The following GALNTL6 variants were observed in gnomAD, a reference collection of about 807,000 sequenced individuals.
GALNTL6 encodes polypeptide N-acetylgalactosaminyltransferase-like 6.
GALNTL6 carries 46 observed loss-of-function variants against 73.7 expected under a neutral mutation model. That is an observed-to-expected ratio of 0.62 (90% CI 0.49 to 0.80). GALNTL6 has a LOEUF of 0.80. GALNTL6 is among the 30% of genes least tolerant of loss of function. The pLI is 0.00. For missense variants in GALNTL6, 604 were observed against 755.0 expected (o/e 0.80, Z 2.34); for synonymous variants, 259 against 263.7 (o/e 0.98, Z 0.17).
Position 172,262,130 on chromosome 4 carries a change from T to G in GALNTL6, c.247+32366T>G, listed in dbSNP as rs1331121614. On this transcript the variant is annotated intron_variant, in intron 3 of 12. Coordinates refer to ENST00000506823, the MANE Select transcript of GALNTL6 (RefSeq NM_001034845.3). ...CTTGCAGTTGTTGGATAGAATGTTC[T>G]GTAAATATCTGTTAAGTCCATTTGT... Among the ~76,000 whole-genome samples the G allele has an allele frequency of 2.6e-5, 4 of 151,642 alleles. No individual in the cohort carries two copies. In the East Asian group the frequency reaches 7.8e-4, roughly 29 times the overall value.
At chr4:172,000,794 C>T (rs1343328879) in intron 2 of GALNTL6, among the ~76,000 whole-genome samples, 1 of 152,118 alleles carries the variant, frequency 6.6e-6, no homozygotes, top group Admixed American at 6.6e-5. Flanking sequence ...GGAGCTGCCA[C>T]CTCATCAGGG....
At chr4:172,156,701 G>A (rs1734301385) in intron 2 of GALNTL6, among the ~76,000 whole-genome samples, 1 of 151,264 alleles carries the variant, frequency 6.6e-6, no homozygotes, top group Non-Finnish European at 1.5e-5. Flanking sequence ...ACACAATCAA[G>A]TTGGGGAGCC....
intron 2 of GALNTL6, among the ~76,000 whole-genome samples, chr4:172,155,133 G>A (rs1396764982): frequency 6.6e-6 from 1 of 152,058 alleles, no homozygotes; most frequent in African/African-American, 2.4e-5. Flanking sequence ...GAGTAGTTGG[G>A]ATTACAGGAG....
intron 2 of GALNTL6, among the ~76,000 whole-genome samples, chr4:171,903,496 C>T (rs1169886546): frequency 6.6e-6 from 1 of 152,028 alleles, no homozygotes; most frequent in Non-Finnish European, 1.5e-5. Flanking sequence ...GGGTCCCACG[C>T]CCACGGAGTC....
At chr4:172,345,484 A>G (rs1354568633) in intron 4 of GALNTL6, among the ~76,000 whole-genome samples, 1 of 152,190 alleles carries the variant, frequency 6.6e-6, no homozygotes, top group Non-Finnish European at 1.5e-5. Flanking sequence ...AATGAAATGC[A>G]TGTGTGATAA....
chr4:172,393,573 G>A (rs1743741975), intron 5 of GALNTL6, among the ~76,000 whole-genome samples: 1 of 152,088 alleles, frequency 6.6e-6, no homozygotes, highest in African/African-American at 2.4e-5. Flanking sequence ...CTCATCTTTT[G>A]CTTAATTGAA....
In GALNTL6 at chr4:172,735,570, C is replaced by T. The variant is rs185018625; in HGVS notation, c.554-73791C>T. 1.7e-3 allele frequency among the ~76,000 whole-genome samples: 263 copies of T among 152,162 alleles called. 1 individual carries two copies. Among genetic ancestry groups the T allele is most frequent in the African/African-American group, 6.2e-3 (256 of 41,508 alleles). On this transcript the variant is annotated intron_variant, in intron 5 of 12. Transcript: ENST00000506823. ...GAGTTAACGCTAAAATGATTTAAGA[C>T]TTTGGGGGACTGTTAGGAAGGCATG...
chr4:172,546,294 G>T (rs1303067934), intron 5 of GALNTL6, among the ~76,000 whole-genome samples: 1 of 152,070 alleles, frequency 6.6e-6, no homozygotes, highest in African/African-American at 2.4e-5. Context: ...TTTTATTGAG[G>T]TCCTACAGTA....
intron 2 of GALNTL6, among the ~76,000 whole-genome samples, chr4:171,891,108 C>T (rs1736747718): frequency 6.6e-6 from 1 of 152,188 alleles, no homozygotes; most frequent in South Asian, 2.1e-4. Flanking sequence ...TTTAAAGGAA[C>T]TTACTCCTAC....
intron 9 of GALNTL6, among the ~76,000 whole-genome samples, chr4:172,946,124 C>CGTGT (rs71594019): frequency 0.032 from 4,712 of 148,482 alleles, 84 homozygotes; most frequent in Admixed American, 0.048. Context: ...GGGGAAAAAG[C>CGTGT]GTGTGTGTGT....
intron 7 of GALNTL6, among the ~76,000 whole-genome samples, chr4:172,820,508 G>C (rs1741863799): frequency 6.6e-6 from 1 of 152,118 alleles, no homozygotes; most frequent in African/African-American, 2.4e-5. Context: ...ATTTCCCACA[G>C]AAAAATGGAC....
chr4:172,459,646 C>A (rs2111439881), intron 5 of GALNTL6, among the ~76,000 whole-genome samples: 1 of 152,224 alleles, frequency 6.6e-6, no homozygotes, highest in South Asian at 2.1e-4. Flanking sequence ...CCTAGGAATA[C>A]AACTTACAAG....
At chr4:172,783,400 A>G (rs1296603894) in intron 5 of GALNTL6, among the ~76,000 whole-genome samples, 6 of 147,594 alleles carry the variant, frequency 4.1e-5, no homozygotes, top group Non-Finnish European at 9.0e-5. Flanking sequence ...TAATAATATT[A>G]TAATATTATT....
At chr4:172,989,322 A>C (rs1277578335) in intron 10 of GALNTL6, among the ~76,000 whole-genome samples, 5 of 152,214 alleles carry the variant, frequency 3.3e-5, no homozygotes, top group Non-Finnish European at 7.3e-5. Flanking sequence ...ACATAGGCAG[A>C]AGGGACTTTC....
At chr4:171,958,607 A>G (rs774594962) in intron 2 of GALNTL6, among the ~76,000 whole-genome samples, 6 of 152,130 alleles carry the variant, frequency 3.9e-5, no homozygotes, top group Non-Finnish European at 8.8e-5. Flanking sequence ...TGTCAATGTT[A>G]AATATAAATA....
chr4:172,305,338 A>C (rs557945910), intron 3 of GALNTL6, among the ~76,000 whole-genome samples: 1 of 152,256 alleles, frequency 6.6e-6, no homozygotes. Context: ...TCTGCTTAAT[A>C]CTTATATATT....
chr4:172,915,811 A>T (rs1455397594), intron 8 of GALNTL6, among the ~76,000 whole-genome samples: 1 of 152,236 alleles, frequency 6.6e-6, no homozygotes, highest in East Asian at 1.9e-4. Context: ...GAATTCTACC[A>T]GAGGTACAAA....
At chr4:172,082,830 A>G (rs1396713810) in intron 2 of GALNTL6, among the ~76,000 whole-genome samples, 1 of 152,188 alleles carries the variant, frequency 6.6e-6, no homozygotes, top group African/African-American at 2.4e-5. Context: ...GGAGACATCT[A>G]TGAGCATTGG....
At chr4:172,335,993 ATTTTGTTTTTGTTTTGT>A (rs1344094171) in intron 4 of GALNTL6, among the ~76,000 whole-genome samples, 5 of 151,630 alleles carry the variant, frequency 3.3e-5, no homozygotes, top group Admixed American at 2.6e-4. Context: ...CTTCACGGTT[ATTTTGTTTTTGTTTTGT>A]TTTCTAGTTC....
Sources: allele counts gnomAD v4.1 joint callset (sites outside exome capture counted in the v4.1 genomes callset), GRCh38; gene constraint gnomAD v4.1.1; transcripts MANE v1.5; gene names NCBI Gene and HGNC (gene_info 2026-07-23, HGNC 2026-07-21).